CEMP1: variants seen among roughly 807,000 people sequenced by gnomAD.
CEMP1 encodes the protein cementum protein 1.
For synonymous variants in CEMP1, 161 were observed against 128.6 expected (o/e 1.25, Z -1.71); for missense variants, 387 against 316.9 (o/e 1.22, Z -1.68).
At position 2,531,292 on chromosome 16, in the gene CEMP1, TGAGA is replaced by T. The variant is rs1404306464; in HGVS notation, c.-223_-220del. ...GTGGGAGAGGGGCCCAGGGTCAGGG[TGAGA>T]GAGAGCTGGGCCAGGGAGCTGCTGC... On this transcript the variant is annotated 5_prime_UTR_variant, in exon 1 of 1. It introduces an in-frame stop codon into an upstream open reading frame of the 5' UTR. Coordinates refer to ENST00000567119, the MANE Select transcript of CEMP1 (RefSeq NM_001048212.3). 1.7e-6 allele frequency: 1 copy of T among 585,578 alleles called. No homozygotes were observed. The highest frequency in any genetic ancestry group is 3.1e-6 in the Non-Finnish European group (1 of 326,180). The allele number at this position is 585,578 out of a possible 1,614,324, so 36.3% of individuals were successfully genotyped here. A position where few individuals can be genotyped will look rare whatever the true frequency, so the allele number is the denominator to read the frequency against.
Position 2,530,868 on chromosome 16 carries a change from G to A in CEMP1, c.206C>T (p.Pro69Leu), listed in dbSNP as rs2066084028. ...GATCCTGACCTCCTGAGAGGTGTGA[G>A]GTGCAGGGATACCCACCTCTGCCTT... ...AVKAEVGIPA[P>L]HTSQEVRIHI... The change falls in exon 1 of 1, where the codon CCT (proline) becomes CTT (leucine). Residue 69 changes from proline to leucine, a missense_variant. Coordinates refer to ENST00000567119, the MANE Select transcript of CEMP1 (RefSeq NM_001048212.3). 4.3e-6 allele frequency: 7 copies of A among 1,613,550 alleles called. No individual in the cohort carries two copies. Among genetic ancestry groups the A allele is most frequent in the Non-Finnish European group, 5.1e-6 (6 of 1,180,012 alleles).
In CEMP1 at chr16:2,530,174, T is replaced by C. The variant is rs2066066749; in HGVS notation, c.*156A>G. 9 of 1,468,474 alleles carry C rather than the reference T, an allele frequency of 6.1e-6. No individual in the cohort carries two copies. In the East Asian group the frequency reaches 2.0e-4, roughly 32 times the overall value. The allele number at this position is 1,468,474 out of a possible 1,614,324, so 91.0% of individuals were successfully genotyped here. A position where few individuals can be genotyped will look rare whatever the true frequency, so the allele number is the denominator to read the frequency against. On this transcript the variant is annotated 3_prime_UTR_variant, in exon 1 of 1. Transcript: ENST00000567119. ...CCCGGGACCCCTGTTTTCTGCTCCC[T>C]GGACTGCCTAGCCCTGAGTGCCACG...
rs187314472 is a variant in CEMP1, at chr16:2,531,257, G to A, written c.-184C>T. ...CAGAGATGGTTGGTCCACAGGGCTA[G>A]CCCTGGGTGGTGGGAGAGGGGCCCA... On this transcript the variant is annotated 5_prime_UTR_variant, in exon 1 of 1. Coordinates refer to ENST00000567119, the MANE Select transcript of CEMP1 (RefSeq NM_001048212.3). 2,141 of 727,732 alleles carry A rather than the reference G, an allele frequency of 2.9e-3. 4 individuals carry two copies. Among genetic ancestry groups the A allele is most frequent in the Non-Finnish European group, 3.8e-3 (1,701 of 446,936 alleles). The allele number at this position is 727,732 out of a possible 1,614,324, so 45.1% of individuals were successfully genotyped here.
Position 2,531,190 on chromosome 16 carries a change from C to T in CEMP1, c.-117G>A. 7.5e-7 allele frequency: 1 copy of T among 1,332,376 alleles called. No homozygotes were observed. The highest frequency in any genetic ancestry group is 1.0e-6 in the Non-Finnish European group (1 of 983,110). 82.5% of individuals were successfully genotyped at this position (1,332,376 alleles called of 1,614,324 possible). A position where few individuals can be genotyped will look rare whatever the true frequency, so the allele number is the denominator to read the frequency against. ...GGCCTGGCCTGCCCCATTCACCGGC[C>T]AGCGCCCCACCTCCCTGGCTGGAGG... On this transcript the variant is annotated 5_prime_UTR_variant, in exon 1 of 1. Coordinates refer to ENST00000567119, the MANE Select transcript of CEMP1 (RefSeq NM_001048212.3).
chr16:2,530,563 TC>T (rs1439305387), intron 1 of CEMP1: 1 of 1,614,168 alleles, frequency 6.2e-7, no homozygotes, highest in Non-Finnish European at 8.5e-7. Context: ...GGTGGGTGGC[TC>T]CCTTCCCCCT....
chr16:2,530,297 G>T lies in CEMP1; in HGVS notation c.*33C>A. 1 of 1,613,944 alleles carries T rather than the reference G, an allele frequency of 6.2e-7. No homozygotes were observed. The stretch of plus-strand genomic sequence containing the variant: ...GCTGTGGTGACCCTGCCTGGTGCTG[G>T]AGGGCAGTATGGGAGGCACCAGTGT... On this transcript the variant is annotated 3_prime_UTR_variant, in exon 1 of 1. Coordinates refer to ENST00000567119, the MANE Select transcript of CEMP1 (RefSeq NM_001048212.3).
chr16:2,531,008 C>A lies in CEMP1; in HGVS notation c.66G>T (p.Ser22=). ...GGGAGAGGCAGGTGAGGTTCTCAGC[C>A]GATGTGTTAGAGGTTGAGCATCGCC... The part of the protein sequence containing the change: ...GHRRCSTSNT[S]AENLTCLSLP... The change falls in exon 1 of 1, where the codon TCG becomes TCT. Residue 22 remains serine (S), a synonymous_variant. Transcript: ENST00000567119. The A allele has an allele frequency of 6.2e-7, 1 of 1,612,450 alleles. No homozygotes were observed. The highest frequency in any genetic ancestry group is 8.5e-7 in the Non-Finnish European group (1 of 1,179,272).
At position 2,530,953 on chromosome 16, in the gene CEMP1, G is replaced by A. The variant is rs1416006275; in HGVS notation, c.121C>T (p.Leu41Phe). The change falls in exon 1 of 1, where the codon CTC (leucine) becomes TTC (phenylalanine). Residue 41 changes from leucine to phenylalanine, a missense_variant. Transcript: ENST00000567119. ...GCGCCTGCCTGTGCTGGGCCTGGGA[G>A]AGGAGCTGTCTTGCCAGGGCTCCCA... ...LPGSPGKTAP[L>F]PGPAQAGAGQ... is the part of the protein sequence containing the mutation. 2 of 1,613,620 alleles carry A rather than the reference G, an allele frequency of 1.2e-6. No homozygotes were observed. The highest frequency in any genetic ancestry group is 1.7e-6 in the Non-Finnish European group (2 of 1,179,996).
chr16:2,530,700 C>T lies in CEMP1; in HGVS notation c.374G>A (p.Gly125Glu), dbSNP rs778504764. ...FFPGCSLPTGGAQTILSLWTW... is the reference protein window; with the variant it reads ...FFPGCSLPTGEAQTILSLWTW... ...CCAAAGAGATAGGATGGTCTGGGCC[C>T]CACCTGTTGGAAGGGAACAGCCAGG... The change falls in exon 1 of 1, where the codon GGG (glycine) becomes GAG (glutamate). Residue 125 changes from glycine (G) to glutamate (E), a missense_variant. Physicochemically the swap from Gly to Glu is moderately conservative, Grantham distance 98 (BLOSUM62 -2). Coordinates refer to ENST00000567119, the MANE Select transcript of CEMP1 (RefSeq NM_001048212.3). The T allele has an allele frequency of 6.2e-7, 1 of 1,614,070 alleles. No individual in the cohort carries two copies. Among genetic ancestry groups the T allele is most frequent in the East Asian group, 2.2e-5 (1 of 44,874 alleles).
rs1312764594 is a variant in CEMP1 at position 2,530,126 on chromosome 16, T to C, written c.*204A>G. On this transcript the variant is annotated 3_prime_UTR_variant, in exon 1 of 1. Coordinates refer to ENST00000567119, the MANE Select transcript of CEMP1 (RefSeq NM_001048212.3). The stretch of plus-strand genomic sequence containing the variant: ...GGGCACAGTGCCAGGGGCTCCGCTC[T>C]GACCTCCAGGAGGGAGACTGGGCCC... 1.2e-5 allele frequency: 16 copies of C among 1,334,066 alleles called. No homozygotes were observed. Among genetic ancestry groups the C allele is most frequent in the Non-Finnish European group, 1.5e-5 (15 of 1,002,852 alleles). The allele number at this position is 1,334,066 out of a possible 1,614,324, so 82.6% of individuals were successfully genotyped here. A position where few individuals can be genotyped will look rare whatever the true frequency, so the allele number is the denominator to read the frequency against.
At position 2,530,753 on chromosome 16, in the gene CEMP1, C is replaced by T. The variant is rs751844810; in HGVS notation, c.321G>A (p.Ala107=). Reference sequence around the variant, plus strand: ...AGAACCACCTGCCTGGGCAGGGCCTCGCCTGAGGGAGGGCCTGGGGCAGGG... The same window carrying T: ...AGAACCACCTGCCTGGGCAGGGCCTTGCCTGAGGGAGGGCCTGGGGCAGGG... ...PCALPQALPQ[A]RPCPGRWFFP... is the part of the protein sequence containing the mutation. Residue 107 remains alanine, a synonymous_variant, in exon 1 of 1, where the codon GCG becomes GCA. Transcript: ENST00000567119. 5.5e-5 allele frequency: 88 copies of T among 1,613,470 alleles called. No homozygotes were observed. In the Admixed American group the frequency reaches 9.3e-4, roughly 17 times the overall value.
At position 2,531,180 on chromosome 16, in the gene CEMP1, A is replaced by G; in HGVS notation, c.-107T>C. ...CCAGCCTTTGGGCCTGGCCTGCCCC[A>G]TTCACCGGCCAGCGCCCCACCTCCC... On this transcript the variant is annotated 5_prime_UTR_variant, in exon 1 of 1. It removes an upstream start codon present in the reference 5' UTR. Transcript: ENST00000567119. 2.8e-6 allele frequency: 4 copies of G among 1,411,548 alleles called. No homozygotes were observed. Among genetic ancestry groups the G allele is most frequent in the Non-Finnish European group, 3.8e-6 (4 of 1,051,166 alleles). 87.4% of individuals were successfully genotyped at this position (1,411,548 alleles called of 1,614,324 possible).
Position 2,530,644 on chromosome 16 carries a change from G to C in CEMP1, c.430C>G (p.Gln144Glu). 1 of 1,614,194 alleles carries C rather than the reference G, an allele frequency of 6.2e-7. No homozygotes were observed. The highest frequency in any genetic ancestry group is 1.3e-5 in the African/African-American group (1 of 75,058). The change falls in exon 1 of 1, where the codon CAG becomes GAG. Residue 144 changes from glutamine (Q) to glutamate (E), a missense_variant. Gln to Glu is a conservative substitution (Grantham distance 29, BLOSUM62 2). Transcript: ENST00000567119. ...TWRHFLNWAL[Q>E]QREENSGRAR... Reference sequence around the variant, plus strand: ...CTGCCACTGTTCTCTTCCCTCTGCTGCAAAGCCCAGTTAAGGAAATGTCTC... The same window carrying C: ...CTGCCACTGTTCTCTTCCCTCTGCTCCAAAGCCCAGTTAAGGAAATGTCTC...
Position 2,530,398 on chromosome 16 carries a change from C to T in CEMP1, c.676G>A (p.Val226Ile), listed in dbSNP as rs774803386. Residue 226 changes from valine to isoleucine, a missense_variant, in exon 1 of 1, where the codon GTT becomes ATT. By Grantham distance (29) the Val-to-Ile change is conservative. Transcript: ENST00000567119. ...CCCTGGCACACACCCATGTGGCAAA[C>T]ACGGGCCGTGAGGCTCCCTGAACAG... ...RSCSGSLTAR[V>I]CHMGVCQGQG... The T allele has an allele frequency of 6.2e-7, 1 of 1,614,202 alleles. No homozygotes were observed. Among genetic ancestry groups the T allele is most frequent in the Non-Finnish European group, 8.5e-7 (1 of 1,180,022 alleles).
chr16:2,530,509 C>G lies in CEMP1; in HGVS notation c.565G>C (p.Val189Leu), dbSNP rs375161191. The G allele has an allele frequency of 6.2e-7, 1 of 1,614,048 alleles. No homozygotes were observed. Among genetic ancestry groups the G allele is most frequent in the Non-Finnish European group, 8.5e-7 (1 of 1,180,010 alleles). ...GEKVKTITPD[V>L]GLHQSLTSDP... ...GACGTCAGGGATTGGTGCAGCCCCA[C>G]GTCAGGGGTGATTGTCTTGACTTTC... Residue 189 changes from valine (V) to leucine (L), a missense_variant, in exon 1 of 1, where the codon GTG (valine) becomes CTG (leucine). Physicochemically the swap from Val to Leu is conservative, Grantham distance 32. Coordinates refer to ENST00000567119, the MANE Select transcript of CEMP1 (RefSeq NM_001048212.3).
In CEMP1 at chr16:2,530,091, T is replaced by G; in HGVS notation, c.*239A>C. On this transcript the variant is annotated 3_prime_UTR_variant, in exon 1 of 1. Coordinates refer to ENST00000567119, the MANE Select transcript of CEMP1 (RefSeq NM_001048212.3). ...GTGCAGCGTGGAGCCCACAGCCTGG[T>G]TCTGGGCCAGGGCACAGTGCCAGGG... The G allele has an allele frequency of 9.2e-7, 1 of 1,084,040 alleles. No individual in the cohort carries two copies. The highest frequency in any genetic ancestry group is 1.7e-5 in the South Asian group (1 of 59,528). 67.2% of individuals were successfully genotyped at this position (1,084,040 alleles called of 1,614,324 possible). A position where few individuals can be genotyped will look rare whatever the true frequency, so the allele number is the denominator to read the frequency against.
Position 2,530,317 on chromosome 16 carries a change from C to T in CEMP1, c.*13G>A, listed in dbSNP as rs1261843099. The T allele has an allele frequency of 6.2e-7, 1 of 1,614,078 alleles. No individual in the cohort carries two copies. The highest frequency in any genetic ancestry group is 1.7e-5 in the Admixed American group (1 of 60,024). On this transcript the variant is annotated 3_prime_UTR_variant, in exon 1 of 1. Transcript: ENST00000567119. ...TGCTGGAGGGCAGTATGGGAGGCAC[C>T]AGTGTGCCCTGCTCACCCCATTAGT... is the stretch of plus-strand genomic sequence containing the variant.
At position 2,531,135 on chromosome 16, in the gene CEMP1, C is replaced by A. The variant is rs1483666291; in HGVS notation, c.-62G>T. 6 of 1,521,256 alleles carry A rather than the reference C, an allele frequency of 3.9e-6. No homozygotes were observed. The highest frequency in any genetic ancestry group is 2.4e-4 in the Middle Eastern group (1 of 4,164). The allele number at this position is 1,521,256 out of a possible 1,614,324, so 94.2% of individuals were successfully genotyped here. A position where few individuals can be genotyped will look rare whatever the true frequency, so the allele number is the denominator to read the frequency against. ...CCCACCTCAGACGGGACGCCCAGTC[C>A]AGAGCTGGTGAGCCCTGGGCCAGCC... On this transcript the variant is annotated 5_prime_UTR_variant, in exon 1 of 1. Transcript: ENST00000567119.
chr16:2,531,383 TGTG>T lies in CEMP1; in HGVS notation c.-313_-311del. The stretch of plus-strand genomic sequence containing the variant: ...TGGTTTTGGTTTGCTTTTTAAAAAT[TGTG>T]GTAAAATACATAACAAAAGTAACTA... On this transcript the variant is annotated 5_prime_UTR_variant, in exon 1 of 1. Transcript: ENST00000567119. 1 of 505,212 alleles carries T rather than the reference TGTG, an allele frequency of 2.0e-6. No individual in the cohort carries two copies. Among genetic ancestry groups the T allele is most frequent in the Non-Finnish European group, 3.6e-6 (1 of 276,878 alleles). 31.3% of individuals were successfully genotyped at this position (505,212 alleles called of 1,614,324 possible). A position where few individuals can be genotyped will look rare whatever the true frequency, so the allele number is the denominator to read the frequency against.
Sources: gnomAD v4.1 joint callset for allele counts on GRCh38, gnomAD v4.1.1 for gene constraint, MANE v1.5 for transcripts, NCBI Gene and HGNC (gene_info 2026-07-23, HGNC 2026-07-21) for gene names.